Variants in ZNF581 observed in about 807,000 individuals in gnomAD.
ZNF581 encodes the protein zinc finger protein 581.
In ZNF581, 1 loss-of-function variant was observed where a neutral mutation model predicts 1.2. That is an observed-to-expected ratio of 0.83 (90% confidence interval 0.30 to 3.95). ZNF581 has a LOEUF of 3.95. Ranked by LOEUF, ZNF581 falls within the 30% of genes most tolerant of loss-of-function variation. ZNF581 has a pLI of 0.18. For synonymous variants in ZNF581, 105 were observed against 109.2 expected (o/e 0.96, Z 0.24); for missense variants, 273 against 274.6 (o/e 0.99, Z 0.04).
chr19:55,643,339 G>A (rs1416944365), upstream of ZNF581: 2 of 354,284 alleles, frequency 5.6e-6, no homozygotes, highest in Non-Finnish European at 1.1e-5. Context: ...TCTGCTCTCT[G>A]GAGCGGTGAA....
At chr19:55,640,431 C>T, upstream of ZNF581, 1 of 985,458 alleles carries the variant, frequency 1.0e-6, no homozygotes, top group South Asian at 4.7e-5. Context: ...GCTTCGGTGT[C>T]GCCACATGCC....
At chr19:55,635,562 C>T (rs965935574) in exon 1 of ZNF581, 4 of 619,498 alleles carry the variant, frequency 6.5e-6, no homozygotes, top group Non-Finnish European at 6.1e-6. Context: ...TTGCCAGCCT[C>T]GCTGGACCGT....
At chr19:55,642,931 G>T (rs767716040), upstream of ZNF581, 1 of 1,470,786 alleles carries the variant, frequency 6.8e-7, no homozygotes, top group South Asian at 1.3e-5. Context: ...ATCGCGCCAC[G>T]CACCGCGCCC....
chr19:55,645,199 C>G lies in ZNF581; in HGVS notation c.*34C>G. 1 of 1,499,922 alleles carries G rather than the reference C, an allele frequency of 6.7e-7. No individual in the cohort carries two copies. Among genetic ancestry groups the G allele is most frequent in the Non-Finnish European group, 8.9e-7 (1 of 1,120,298 alleles). The allele number at this position is 1,499,922 out of a possible 1,614,324, so 92.9% of individuals were successfully genotyped here. ...GCCGGGTGCCCCAGGTACCACAGGA[C>G]TTTGCAGGGAGCCTGGACTCCTGTC... On this transcript the variant is annotated 3_prime_UTR_variant, in exon 2 of 2. Coordinates refer to ENST00000270451, the MANE Select transcript of ZNF581 (RefSeq NM_016535.4).
At chr19:55,635,747 G>C in intron 1 of ZNF581, 4 of 987,876 alleles carry the variant, frequency 4.0e-6, no homozygotes, top group Non-Finnish European at 4.8e-6. Context: ...AGGTGGCTGA[G>C]GCCAGGTTGT....
chr19:55,643,311 C>G (rs566522309), upstream of ZNF581: 4 of 400,390 alleles, frequency 1.0e-5, no homozygotes, highest in Non-Finnish European at 1.8e-5. Flanking sequence ...GTGACATGAC[C>G]TCTCTAAACC....
upstream of ZNF581, chr19:55,642,763 G>C (rs776676808): frequency 6.5e-7 from 1 of 1,543,702 alleles, no homozygotes; most frequent in Non-Finnish European, 8.7e-7. Context: ...CCCCAGGAGA[G>C]CCCGGCCCTC....
upstream of ZNF581, chr19:55,642,834 G>T: frequency 6.3e-7 from 1 of 1,574,822 alleles, no homozygotes. Flanking sequence ...CGGCTGCAGA[G>T]CCACCGCGTG....
chr19:55,641,935 T>C, upstream of ZNF581: 1 of 563,208 alleles, frequency 1.8e-6, no homozygotes, highest in Non-Finnish European at 2.2e-6. Flanking sequence ...AGAGAGGAAG[T>C]GAGGGAGGCC....
upstream of ZNF581, chr19:55,641,311 G>C (rs1158397072): frequency 1.6e-6 from 1 of 608,908 alleles, no homozygotes; most frequent in African/African-American, 2.0e-5. Flanking sequence ...CGGGCGGAGG[G>C]ACGGGAGGGG....
At chr19:55,640,265 C>T (rs1482432828), upstream of ZNF581, 12 of 985,358 alleles carry the variant, frequency 1.2e-5, no homozygotes, top group Non-Finnish European at 1.4e-5. Context: ...GCGTTGCTTT[C>T]GACGCCGGAG....
At chr19:55,639,296 C>T (rs972035627), upstream of ZNF581, among the ~76,000 whole-genome samples, 2 of 152,032 alleles carry the variant, frequency 1.3e-5, no homozygotes, top group African/African-American at 2.4e-5. Context: ...AAGAGTGGTC[C>T]GGCTCAAAAT....
upstream of ZNF581, among the ~76,000 whole-genome samples, chr19:55,637,753 C>T (rs532381473): frequency 2.6e-5 from 4 of 152,248 alleles, no homozygotes; most frequent in African/African-American, 4.8e-5. Context: ...ATCCCGCCTG[C>T]GGATGTGTGA....
At chr19:55,642,981 G>A (rs546316328), upstream of ZNF581, 333 of 1,374,826 alleles carry the variant, frequency 2.4e-4, 2 homozygotes, top group Non-Finnish European at 3.6e-5. Context: ...TGCCCACGCC[G>A]CTTCCAGGAC....
At chr19:55,641,995 G>A (rs954262576), upstream of ZNF581, 4 of 961,260 alleles carry the variant, frequency 4.2e-6, no homozygotes, top group African/African-American at 7.6e-5. Flanking sequence ...GGGACGGAGG[G>A]CCAGGAGGCC....
chr19:55,636,373 G>A (rs965759051), upstream of ZNF581, among the ~76,000 whole-genome samples: 2 of 152,036 alleles, frequency 1.3e-5, no homozygotes, highest in Non-Finnish European at 2.9e-5. Context: ...AAATGGGGAC[G>A]TCCAAAGTTC....
upstream of ZNF581, among the ~76,000 whole-genome samples, chr19:55,639,309 G>A (rs1982299454): frequency 6.6e-6 from 1 of 152,168 alleles, no homozygotes; most frequent in African/African-American, 2.4e-5. Context: ...CTCAAAATGT[G>A]TGGTGGCCCA....
upstream of ZNF581, among the ~76,000 whole-genome samples, chr19:55,638,685 T>C (rs989104272): frequency 5.5e-4 from 83 of 152,122 alleles, no homozygotes; most frequent in African/African-American, 1.9e-3. Context: ...GGGGATTACA[T>C]TTCAACATGA....
upstream of ZNF581, chr19:55,642,325 T>C: frequency 7.9e-7 from 1 of 1,261,664 alleles, no homozygotes; most frequent in East Asian, 3.2e-5. Flanking sequence ...CCGAGGCAGC[T>C]TGATGGAACG....
Sources: gnomAD v4.1 joint callset for allele counts (sites outside exome capture counted in the v4.1 genomes callset) on GRCh38, gnomAD v4.1.1 for gene constraint, MANE v1.5 for transcripts, NCBI Gene and HGNC (gene_info 2026-07-23, HGNC 2026-07-21) for gene names.